The following FAN1 variants were observed in gnomAD, a reference collection of about 807,000 sequenced individuals.
FAN1 encodes FANCD2 and FANCI associated nuclease 1.
In FAN1, 91 loss-of-function variants were observed where a neutral mutation model predicts 104.9. That is an observed-to-expected ratio of 0.87 (90% CI 0.73 to 1.03). FAN1 has a LOEUF of 1.03. Among genes scored for constraint, FAN1 ranks in the 50% least tolerant of loss-of-function variants. The pLI, the probability that FAN1 is intolerant of heterozygous loss-of-function variation, is 0.00. For synonymous variants in FAN1, 478 were observed against 457.6 expected, an observed-to-expected ratio of 1.04 and a Z score of -0.57; for missense variants, 1,263 against 1,239.9, an observed-to-expected ratio of 1.02 and a Z score of -0.28.
chr15:30,922,311 G>T lies in FAN1; in HGVS notation c.2129G>T (p.Arg710Leu). 6.2e-7 allele frequency: 1 copy of T among 1,613,936 alleles called. No homozygotes were observed. The highest frequency in any genetic ancestry group is 1.1e-5 in the South Asian group (1 of 91,010). The change falls in exon 8 of 15, where the codon CGA (arginine) becomes CTA (leucine). Residue 710 changes from arginine to leucine, a missense_variant. Transcript: ENST00000362065. ...GACAGCAGAGGCCGATGGTGGGATC[G>T]ACTGGCCCTTAATTTACACCAGCAC... ...CPDSRGRWWD[R>L]LALNLHQHLK...
intron 8 of FAN1, 25 bp from the exon 9 acceptor site, chr15:30,925,102 G>C (rs368468524): frequency 8.2e-6 from 13 of 1,591,204 alleles, no homozygotes; most frequent in Non-Finnish European, 1.1e-5. Context: ...TTAGGAGCCT[G>C]ATGTGTGACC....
chr15:30,933,714 AAT>A (rs1261096449), intron 13 of FAN1, among the ~76,000 whole-genome samples: 1 of 150,626 alleles, frequency 6.6e-6, no homozygotes, highest in Admixed American at 6.6e-5. Flanking sequence ...TTATTGAGAG[AAT>A]ATTGATATCT....
chr15:30,938,824 T>G, intron 14 of FAN1: 1 of 826,406 alleles, frequency 1.2e-6, no homozygotes, highest in Non-Finnish European at 1.5e-6. Context: ...CTACCTGGCT[T>G]TAGAGGGCAA....
At chr15:30,913,037 C>T (rs550674650) in intron 4 of FAN1, among the ~76,000 whole-genome samples, 2 of 152,272 alleles carry the variant, frequency 1.3e-5, no homozygotes, top group South Asian at 2.1e-4. Context: ...CCATTCTGTA[C>T]ACTAGAGAAG....
In FAN1 at chr15:30,941,770, G is replaced by C. The variant is rs373883299; in HGVS notation, c.*208G>C. 210 of 1,613,898 alleles carry C rather than the reference G, an allele frequency of 1.3e-4. No homozygotes were observed. The highest frequency in any genetic ancestry group is 1.6e-4 in the Non-Finnish European group (185 of 1,179,886). ...CAGCCAGGAGGGAGAGCTTGTGAAAGGCTGTGATGGAGCCACCCAGGCTGA... is the reference window on the plus strand; with the variant it reads ...CAGCCAGGAGGGAGAGCTTGTGAAACGCTGTGATGGAGCCACCCAGGCTGA... On this transcript the variant is annotated 3_prime_UTR_variant, in exon 15 of 15. Transcript: ENST00000362065.
intron 13 of FAN1, among the ~76,000 whole-genome samples, chr15:30,931,840 C>T (rs2062718039): frequency 6.6e-6 from 1 of 151,926 alleles, no homozygotes; most frequent in Non-Finnish European, 1.5e-5. Context: ...AGTGTAAGTC[C>T]TATAATGACT....
Position 30,904,637 on chromosome 15 carries a change from T to G in FAN1, c.-27T>G. ...CCTTAAATATCCTGTGTTTTATTGC[T>G]CAGAACATCCAGTTTTTCTAATACT... On this transcript the variant is annotated 5_prime_UTR_variant, in exon 2 of 15. Transcript: ENST00000362065. 2 of 1,607,296 alleles carry G rather than the reference T, an allele frequency of 1.2e-6. No homozygotes were observed. The highest frequency in any genetic ancestry group is 1.7e-6 in the Non-Finnish European group (2 of 1,176,962).
At position 30,920,541 on chromosome 15, in the gene FAN1, T is replaced by G; in HGVS notation, c.1944-4T>G. ...TAAACTACTGGTATATGTCTTCATT[T>G]TAGATGCCACGAAGATTTACCACTC... On this transcript the variant is annotated splice_region_variant and splice_polypyrimidine_tract_variant and intron_variant, in intron 6 of 14. Transcript: ENST00000362065. 10 of 1,595,844 alleles carry G rather than the reference T, an allele frequency of 6.3e-6. No homozygotes were observed. Among genetic ancestry groups the G allele is most frequent in the Non-Finnish European group, 8.6e-6 (10 of 1,165,044 alleles).
chr15:30,905,739 A>C lies in FAN1; in HGVS notation c.1076A>C (p.Gln359Pro). ...ATCCCTCACAGCATTCCTTTGGAGC[A>C]GGGGTCAAGCTGCAATGGTCCTGGT... is the stretch of plus-strand genomic sequence containing the variant. Reference protein sequence around the residue: ...NDIPHSIPLEQGSSCNGPGQT... With the variant: ...NDIPHSIPLEPGSSCNGPGQT... Residue 359 changes from glutamine (Q) to proline (P), a missense_variant, in exon 2 of 15, where the codon CAG (glutamine) becomes CCG (proline). Physicochemically the swap from Gln to Pro is moderately conservative, Grantham distance 76. Coordinates refer to ENST00000362065, the MANE Select transcript of FAN1 (RefSeq NM_014967.5). 6.2e-7 allele frequency: 1 copy of C among 1,614,226 alleles called. No individual in the cohort carries two copies. The highest frequency in any genetic ancestry group is 2.2e-5 in the East Asian group (1 of 44,896).
intron 14 of FAN1, chr15:30,939,763 C>T (rs1193462729): frequency 1.0e-6 from 1 of 985,092 alleles, no homozygotes; most frequent in African/African-American, 1.7e-5. Flanking sequence ...TGTGATTACA[C>T]TGTCAATGGC....
In FAN1 at chr15:30,914,130, A is replaced by G. The variant is rs372572997; in HGVS notation, c.1811+39A>G. On this transcript the variant is annotated intron_variant, in intron 5 of 14. Transcript: ENST00000362065. ...AGCTCACTATAATGTCTATATGTGT[A>G]TTTCACAATTTAGTAAAAGGTTTTG... 6.1e-5 allele frequency: 83 copies of G among 1,365,594 alleles called. No homozygotes were observed. In the African/African-American group the frequency reaches 1.2e-3, roughly 19 times the overall value. The allele number at this position is 1,365,594 out of a possible 1,614,324, so 84.6% of individuals were successfully genotyped here. A position where few individuals can be genotyped will look rare whatever the true frequency, so the allele number is the denominator to read the frequency against.
In FAN1 at chr15:30,930,638, G is replaced by T. The variant is rs2062685786; in HGVS notation, c.2883G>T (p.Leu961=). Reference sequence around the variant, plus strand: ...ACTGTCGAGGGGGCCTCCCCGACCTGGTGGTGTGGAACTCCCAGAGCCGTC... The same window carrying T: ...ACTGTCGAGGGGGCCTCCCCGACCTTGTGGTGTGGAACTCCCAGAGCCGTC... ...FRHCRGGLPD[L]VVWNSQSRHF... Residue 961 remains leucine (L), a synonymous_variant, in exon 13 of 15, where the codon CTG becomes CTT. Transcript: ENST00000362065. The T allele has an allele frequency of 1.2e-6, 2 of 1,612,968 alleles. No homozygotes were observed. Among genetic ancestry groups the T allele is most frequent in the Admixed American group, 1.7e-5 (1 of 59,734 alleles).
At chr15:30,921,603 C>T (rs2062332173) in intron 7 of FAN1, among the ~76,000 whole-genome samples, 1 of 152,092 alleles carries the variant, frequency 6.6e-6, no homozygotes, top group South Asian at 2.1e-4. Context: ...CTGTGAATCC[C>T]AGGGGAGTGA....
At position 30,930,655 on chromosome 15, in the gene FAN1, A is replaced by G; in HGVS notation, c.2900A>G (p.Gln967Arg). The change falls in exon 13 of 15, where the codon CAG (glutamine) becomes CGG (arginine). Residue 967 changes from glutamine to arginine, a missense_variant. Physicochemically the swap from Gln to Arg is conservative, Grantham distance 43 (BLOSUM62 1). Coordinates refer to ENST00000362065, the MANE Select transcript of FAN1 (RefSeq NM_014967.5). The stretch of plus-strand genomic sequence containing the variant: ...CCCGACCTGGTGGTGTGGAACTCCC[A>G]GAGCCGTCACTTTAAGGTCAGTTGA... ...GLPDLVVWNS[Q>R]SRHFKLVEVK... 6.2e-7 allele frequency: 1 copy of G among 1,612,886 alleles called. No individual in the cohort carries two copies. The highest frequency in any genetic ancestry group is 1.7e-5 in the Admixed American group (1 of 59,684).
At chr15:30,937,473 A>ACAGG (rs2062892089) in intron 14 of FAN1, among the ~76,000 whole-genome samples, 1 of 125,368 alleles carries the variant, frequency 8.0e-6, no homozygotes, top group Admixed American at 9.3e-5. Context: ...TTTTTTTGAG[A>ACAGG]CAGAGTCTCG....
chr15:30,928,724 C>T (rs904946116), intron 11 of FAN1, 68 bp downstream of exon 11: 7 of 1,605,988 alleles, frequency 4.4e-6, no homozygotes, highest in Admixed American at 3.4e-5. Context: ...CCCACCTGGG[C>T]ACCGTGTGTC....
intron 13 of FAN1, among the ~76,000 whole-genome samples, chr15:30,931,542 A>G (rs1260867161): frequency 6.6e-6 from 1 of 152,206 alleles, no homozygotes; most frequent in Non-Finnish European, 1.5e-5. Context: ...TTCTTCTAGA[A>G]GTGTTATAGT....
intron 4 of FAN1, 44 bp downstream of exon 4, chr15:30,910,859 T>A (rs765792697): frequency 6.3e-7 from 1 of 1,575,642 alleles, no homozygotes; most frequent in Non-Finnish European, 8.6e-7. Flanking sequence ...AAAATGTTGA[T>A]AGCACATATT....
Position 30,937,195 on chromosome 15 carries a change from G to A in FAN1, c.2993G>A (p.Gly998Glu), listed in dbSNP as rs2062879035. Reference protein sequence around the residue: ...MIWLAELQKLGAEVEVCHVVA... With the variant: ...MIWLAELQKLEAEVEVCHVVA... The stretch of plus-strand genomic sequence containing the variant: ...TGGCTGGCTGAACTGCAGAAGCTGG[G>A]GGCTGAAGTAGAAGTCTGCCATGTG... Residue 998 changes from glycine to glutamate, a missense_variant, in exon 14 of 15, where the codon GGG becomes GAG. Physicochemically the swap from Gly to Glu is moderately conservative, Grantham distance 98. Around this residue, in one of 2 missense-constraint regions of FAN1, gnomAD observed 581 missense variants for 668.8 expected, o/e 0.87. Coordinates refer to ENST00000362065, the MANE Select transcript of FAN1 (RefSeq NM_014967.5). The A allele has an allele frequency of 3.7e-6, 6 of 1,613,954 alleles. No homozygotes were observed. The South Asian group carries it at 6.6e-5, about 18-fold the overall frequency.
Sources: allele counts gnomAD v4.1 joint callset (sites outside exome capture counted in the v4.1 genomes callset), GRCh38; gene constraint gnomAD v4.1.1; regional missense constraint gnomAD v4.1.1; transcripts MANE v1.5; gene names NCBI Gene and HGNC (gene_info 2026-07-23, HGNC 2026-07-21).